NRDC: variants seen among roughly 807,000 people sequenced by gnomAD.
NRDC encodes the protein nardilysin.
In NRDC, 54 loss-of-function variants were observed where a neutral mutation model predicts 147.1. The observed-to-expected ratio is 0.37, with a 90% CI of 0.29 to 0.46. The LOEUF (loss-of-function observed/expected upper bound fraction) is 0.46, where lower values mean the gene tolerates loss of function less well. Ranked by LOEUF, NRDC falls within the 20% of genes least tolerant of loss-of-function variation. The pLI, the probability that NRDC is intolerant of heterozygous loss-of-function variation, is 1.00. For missense variants in NRDC, 1,082 were observed against 1,370.6 expected (o/e 0.79, Z 3.33); for synonymous variants, 440 against 482.1 (o/e 0.91, Z 1.14).
At position 51,854,283 on chromosome 1, in the gene NRDC, G is replaced by A. The variant is rs537258121; in HGVS notation, c.342-13769C>T. Among the ~76,000 whole-genome samples, 173 of 152,240 alleles carry A rather than the reference G, an allele frequency of 1.1e-3. 1 individual carries two copies. Among genetic ancestry groups the A allele is most frequent in the African/African-American group, 3.9e-3 (161 of 41,540 alleles). On this transcript the variant is annotated intron_variant, in intron 1 of 30. Transcript: ENST00000352171. ...CTCAGGAGGCTGAGGCAGAAGAATC[G>A]CTTGAACCCAGGAGGCAGAGGTTAC...
intron 29 of NRDC, 153 bp from the exon 30 acceptor site, chr1:51,789,810 A>G (rs939472176): frequency 3.3e-6 from 2 of 612,450 alleles, no homozygotes; most frequent in Admixed American, 5.7e-5. Context: ...CCAGACCAAA[A>G]CGATGATGAA....
intron 13 of NRDC, 141 bp downstream of exon 13, chr1:51,814,410 G>A (rs986149623): frequency 1.4e-6 from 1 of 722,650 alleles, no homozygotes; most frequent in Non-Finnish European, 2.3e-6. Context: ...AGAGGGATAA[G>A]GATATGGAGT....
intron 1 of NRDC, among the ~76,000 whole-genome samples, chr1:51,860,653 C>G (rs1352446579): frequency 6.6e-6 from 1 of 152,148 alleles, no homozygotes; most frequent in Non-Finnish European, 1.5e-5. Context: ...ATTACTATTA[C>G]TTTTCTGGGG....
intron 1 of NRDC, among the ~76,000 whole-genome samples, chr1:51,863,932 A>C (rs1395331418): frequency 6.6e-6 from 1 of 152,244 alleles, no homozygotes; most frequent in Non-Finnish European, 1.5e-5. Flanking sequence ...AACCTAACCT[A>C]CTGAACATCA....
intron 1 of NRDC, among the ~76,000 whole-genome samples, chr1:51,851,815 A>G (rs192411922): frequency 1.5e-3 from 228 of 152,326 alleles, no homozygotes; most frequent in African/African-American, 5.3e-3. Context: ...ACAAGGTTAA[A>G]ATCCTTTGCA....
At position 51,812,030 on chromosome 1, in the gene NRDC, G is replaced by A. The variant is rs2149201493; in HGVS notation, c.1743C>T (p.Leu581=). 6.2e-6 allele frequency: 10 copies of A among 1,613,852 alleles called. No homozygotes were observed. In the East Asian group the frequency reaches 8.9e-5, roughly 14 times the overall value. ...ATTCAAAAAGAAGCTGATCTCCAGT[G>A]AGAATGTCCTGCAATGGGTACAGCT... ...NMQLYPLQDI[L]TGDQLLFEYK... Residue 581 remains leucine (L), a synonymous_variant, in exon 15 of 31, where the codon CTC becomes CTT. Transcript: ENST00000352171.
chr1:51,869,714 C>G (rs2124122224), intron 1 of NRDC, among the ~76,000 whole-genome samples: 1 of 152,268 alleles, frequency 6.6e-6, no homozygotes, highest in Admixed American at 6.5e-5. Context: ...ACAAAGCCAG[C>G]TTTATTCATG....
At position 51,843,325 on chromosome 1, in the gene NRDC, A is replaced by C. The variant is rs948488821; in HGVS notation, c.342-2811T>G. 2.9e-3 allele frequency among the ~76,000 whole-genome samples: 437 copies of C among 151,994 alleles called. 2 individuals are homozygous for C. Among genetic ancestry groups the C allele is most frequent in the African/African-American group, 0.01 (420 of 41,516 alleles). ...ACAAAAAAGGTTAAAAAAAAAAAAA[A>C]AAAACCCAACCCCTGTTTACCGTGG... On this transcript the variant is annotated intron_variant, in intron 1 of 30. Coordinates refer to ENST00000352171, the MANE Select transcript of NRDC (RefSeq NM_001101662.2).
In NRDC at chr1:51,790,656, C is replaced by G. The variant is rs770645313; in HGVS notation, c.3052-7G>C. 6.3e-7 allele frequency: 1 copy of G among 1,594,818 alleles called. No individual in the cohort carries two copies. Among genetic ancestry groups the G allele is most frequent in the South Asian group, 1.1e-5 (1 of 90,654 alleles). On this transcript the variant is annotated splice_polypyrimidine_tract_variant and splice_region_variant and intron_variant, in intron 28 of 30. Transcript: ENST00000352171. ...GCTTGATGAGAGCTGTGACCTGTTCCCACCAAAAAGAAAGATGCTCAGGTG... is the reference window on the plus strand; with the variant it reads ...GCTTGATGAGAGCTGTGACCTGTTCGCACCAAAAAGAAAGATGCTCAGGTG...
intron 14 of NRDC, among the ~76,000 whole-genome samples, chr1:51,813,669 C>T (rs1396995555): frequency 6.6e-6 from 1 of 152,214 alleles, no homozygotes; most frequent in East Asian, 1.9e-4. Context: ...TAACATTATA[C>T]ATGGTAAATA....
intron 11 of NRDC, among the ~76,000 whole-genome samples, chr1:51,815,097 T>C (rs1328277818): frequency 6.6e-6 from 1 of 152,052 alleles, no homozygotes; most frequent in African/African-American, 2.4e-5. Flanking sequence ...AACAGTTTTA[T>C]TAAGCCAAAA....
intron 1 of NRDC, among the ~76,000 whole-genome samples, chr1:51,871,962 C>T (rs915087677): frequency 6.8e-6 from 1 of 148,022 alleles, no homozygotes; most frequent in Admixed American, 6.6e-5. Context: ...ACCTCTGCCT[C>T]CCGGGTTCAA....
intron 2 of NRDC, chr1:51,837,455 C>T (rs1208280279): frequency 6.6e-7 from 1 of 1,511,318 alleles, no homozygotes; most frequent in Non-Finnish European, 9.0e-7. Flanking sequence ...CACAATCTAA[C>T]CTGTTCTGTG....
At chr1:51,834,278 A>G in intron 3 of NRDC, 108 bp from the exon 4 acceptor site, 1 of 1,062,284 alleles carries the variant, frequency 9.4e-7, no homozygotes, top group Non-Finnish European at 1.4e-6. Flanking sequence ...ATAGACCAAC[A>G]CATCAAATGG....
Position 51,803,920 on chromosome 1 carries a change from A to T in NRDC, c.2207T>A (p.Leu736His). 4.3e-6 allele frequency: 7 copies of T among 1,613,428 alleles called. No homozygotes were observed. The highest frequency in any genetic ancestry group is 5.9e-6 in the Non-Finnish European group (7 of 1,179,618). The change falls in exon 20 of 31, where the codon CTT becomes CAT. Residue 736 changes from leucine to histidine, a missense_variant. By Grantham distance (99) the Leu-to-His change is moderately conservative. Around this residue, in one of 3 missense-constraint regions of NRDC, gnomAD observed 635 missense variants for 923.8 expected, o/e 0.69. Coordinates refer to ENST00000352171, the MANE Select transcript of NRDC (RefSeq NM_001101662.2). Reference protein sequence around the residue: ...DIFVNILTHNLAEPAYEADVA... With the variant: ...DIFVNILTHNHAEPAYEADVA... ...ATCTGCTTCATAAGCTGGTTCCGCA[A>T]GGTTATGCGTAAGGATATTGACAAA...
At chr1:51,863,721 TC>T (rs762584648) in intron 1 of NRDC, among the ~76,000 whole-genome samples, 39 of 152,200 alleles carry the variant, frequency 2.6e-4, no homozygotes, top group Non-Finnish European at 2.6e-4. Flanking sequence ...AAGTGACTGA[TC>T]TATAGTGTTT....
At chr1:51,814,180 G>GT (rs1490561046) in intron 13 of NRDC, 91 bp from the exon 14 acceptor site, 6 of 787,482 alleles carry the variant, frequency 7.6e-6, no homozygotes, top group Non-Finnish European at 1.1e-5. Flanking sequence ...ATCAGAAAAG[G>GT]TAACTATTGG....
intron 1 of NRDC, among the ~76,000 whole-genome samples, chr1:51,853,443 C>A (rs1427240337): frequency 6.6e-6 from 1 of 152,102 alleles, no homozygotes. Flanking sequence ...TAAATTAACT[C>A]ATTAAAAGTA....
At chr1:51,852,163 T>G (rs1571906246) in intron 1 of NRDC, among the ~76,000 whole-genome samples, 1 of 152,138 alleles carries the variant, frequency 6.6e-6, no homozygotes. Context: ...CTCTTTAAGC[T>G]GTCTTTGGGG....
Sources: gnomAD v4.1 joint callset for allele counts (sites outside exome capture counted in the v4.1 genomes callset) on GRCh38, gnomAD v4.1.1 for gene constraint, gnomAD v4.1.1 regional missense constraint, MANE v1.5 for transcripts, NCBI Gene and HGNC (gene_info 2026-07-23, HGNC 2026-07-21) for gene names.